FRMD4B: variants seen among roughly 807,000 people sequenced by gnomAD.
The protein encoded by FRMD4B is FERM domain-containing protein 4B.
A neutral mutation model predicts 141.5 loss-of-function variants in FRMD4B; 74 were observed. The ratio of observed to expected loss-of-function variants is 0.52; its 90% CI spans 0.43 to 0.63. FRMD4B has a LOEUF of 0.63. FRMD4B is among the 30% of genes least tolerant of loss of function. FRMD4B has a pLI of 0.00. For missense variants in FRMD4B, 1,366 were observed against 1,253.4 expected, an observed-to-expected ratio of 1.09 and a Z score of -1.36; for synonymous variants, 506 against 467.9, an observed-to-expected ratio of 1.08 and a Z score of -1.05.
intron 11 of FRMD4B, among the ~76,000 whole-genome samples, chr3:69,204,921 G>A (rs922385457): frequency 6.6e-6 from 1 of 152,060 alleles, no homozygotes; most frequent in African/African-American, 2.4e-5. Context: ...AATTGACCAA[G>A]GTCACACAGC....
chr3:69,259,641 T>C (rs2093513570), intron 5 of FRMD4B, among the ~76,000 whole-genome samples: 1 of 152,230 alleles, frequency 6.6e-6, no homozygotes, highest in Admixed American at 6.5e-5. Context: ...TTCATTACAA[T>C]ATGTGTCAAT....
intron 1 of FRMD4B, among the ~76,000 whole-genome samples, chr3:69,329,990 G>A (rs1702313610): frequency 6.6e-6 from 1 of 152,012 alleles, no homozygotes; most frequent in Non-Finnish European, 1.5e-5. Context: ...CACTGATGAA[G>A]GTCTCCTGAC....
chr3:69,498,249 T>C (rs1559546207), intron 1 of FRMD4B, among the ~76,000 whole-genome samples: 1 of 152,196 alleles, frequency 6.6e-6, no homozygotes, highest in Non-Finnish European at 1.5e-5. Flanking sequence ...CATTTATGAG[T>C]AGCATTTGGA....
Position 69,250,726 on chromosome 3 carries a change from CTTT to C in FRMD4B, c.502-630_502-628del, listed in dbSNP as rs543092302. 7.1e-4 allele frequency among the ~76,000 whole-genome samples: 95 copies of C among 134,362 alleles called. 1 individual carries two copies. Among genetic ancestry groups the C allele is most frequent in the African/African-American group, 2.3e-3 (86 of 36,674 alleles). The allele number at this position is 134,362 out of a possible 152,430, so 88.1% of individuals were successfully genotyped here. ...GAGGAACTCTAATTTATCAGTTTTC[CTTT>C]TTTTTTTTTTTTTTTATCATTCAAA... is the stretch of plus-strand genomic sequence containing the variant. On this transcript the variant is annotated intron_variant, in intron 5 of 22. Transcript: ENST00000398540.
At chr3:69,438,200 C>A (rs981118972) in intron 1 of FRMD4B, among the ~76,000 whole-genome samples, 55 of 151,528 alleles carry the variant, frequency 3.6e-4, no homozygotes, top group African/African-American at 1.2e-3. Context: ...AACCTCTTGG[C>A]TCATGTGATC....
intron 2 of FRMD4B, among the ~76,000 whole-genome samples, chr3:69,421,402 G>A (rs1332299217): frequency 6.6e-6 from 1 of 152,238 alleles, no homozygotes; most frequent in Non-Finnish European, 1.5e-5. Flanking sequence ...TGAAAATGTA[G>A]CAGGCTGGGT....
intron 5 of FRMD4B, among the ~76,000 whole-genome samples, chr3:69,267,632 T>C (rs1213334825): frequency 9.4e-5 from 1 of 10,608 alleles, no homozygotes; most frequent in African/African-American, 3.3e-4. Flanking sequence ...TATATATATA[T>C]ATATAGAGAG....
rs1024001054 is a variant in FRMD4B at position 69,462,930 on chromosome 3, C to T, written c.-128-30169G>A. Among the ~76,000 whole-genome samples the T allele has an allele frequency of 3.3e-5, 5 of 152,232 alleles. 1 individual carries two copies. Among genetic ancestry groups the T allele is most frequent in the Admixed American group, 2.6e-4 (4 of 15,292 alleles). On this transcript the variant is annotated intron_variant, in intron 1 of 5. Coordinates refer to the FRMD4B transcript ENST00000459638. ...TGTAGTCAGCTTGTCACAAAGCCAG[C>T]TTTCTCATCTATGATGCACTTCCTT...
chr3:69,192,324 T>C (rs1277254261), intron 17 of FRMD4B, among the ~76,000 whole-genome samples: 1 of 152,092 alleles, frequency 6.6e-6, no homozygotes, highest in African/African-American at 2.4e-5. Context: ...TGCAGTGAGC[T>C]TTGATGGTAC....
intron 1 of FRMD4B, among the ~76,000 whole-genome samples, chr3:69,500,102 G>C (rs1706466834): frequency 1.3e-5 from 2 of 152,210 alleles, no homozygotes; most frequent in Non-Finnish European, 2.9e-5. Context: ...TCTACAGGCA[G>C]AGTAGGCCAA....
intron 1 of FRMD4B, among the ~76,000 whole-genome samples, chr3:69,494,517 C>T (rs572156378): frequency 5.7e-4 from 87 of 152,304 alleles, no homozygotes; most frequent in Non-Finnish European, 8.7e-4. Context: ...GATAATAGAA[C>T]TACAATCATG....
intron 1 of FRMD4B, chr3:69,377,148 T>C (rs1703992883): frequency 6.6e-6 from 1 of 152,188 alleles, no homozygotes. Flanking sequence ...AAATTAAAAA[T>C]TAGTTTTTGG....
rs190351565 is a variant in FRMD4B, at chr3:69,517,430, G to C, written c.-129+24776C>G. 5.6e-5 allele frequency among the ~76,000 whole-genome samples: 8 copies of C among 143,592 alleles called. No individual in the cohort carries two copies. In the East Asian group the frequency reaches 1.4e-3, roughly 26 times the overall value. The allele number at this position is 143,592 out of a possible 152,430, so 94.2% of individuals were successfully genotyped here. A position where few individuals can be genotyped will look rare whatever the true frequency, so the allele number is the denominator to read the frequency against. ...ACATCATAAAGATTAAGAAATAATT[G>C]AACAGAGAAAAAAAAATTTTAACTG... On this transcript the variant is annotated intron_variant, in intron 1 of 5. Coordinates refer to the FRMD4B transcript ENST00000459638.
In FRMD4B at chr3:69,169,744, C is replaced by T. The variant is rs1416893749; in HGVS notation, c.*2117G>A. On this transcript the variant is annotated 3_prime_UTR_variant, in exon 23 of 23. Transcript: ENST00000398540. ...AGGCATGCTTGCAAGTGTAACCATACTATTTCAGGAACAGAAAAATGTTAT... is the reference window on the plus strand; with the variant it reads ...AGGCATGCTTGCAAGTGTAACCATATTATTTCAGGAACAGAAAAATGTTAT... Among the ~76,000 whole-genome samples the T allele has an allele frequency of 6.6e-6, 1 of 152,098 alleles. No homozygotes were observed. Among genetic ancestry groups the T allele is most frequent in the Non-Finnish European group, 1.5e-5 (1 of 68,026 alleles).
chr3:69,521,127 G>A (rs1233352663), intron 1 of FRMD4B, among the ~76,000 whole-genome samples: 1 of 152,160 alleles, frequency 6.6e-6, no homozygotes, highest in Non-Finnish European at 1.5e-5. Context: ...CAGGGACAGT[G>A]AGGAGGGACC....
intron 1 of FRMD4B, among the ~76,000 whole-genome samples, chr3:69,372,517 T>C (rs1703854516): frequency 6.6e-6 from 1 of 151,972 alleles, no homozygotes; most frequent in Non-Finnish European, 1.5e-5. Flanking sequence ...ATACAAAAAT[T>C]AGCTGGGCGT....
chr3:69,227,315 G>T (rs549124283), intron 7 of FRMD4B, among the ~76,000 whole-genome samples: 49 of 152,170 alleles, frequency 3.2e-4, no homozygotes, highest in Non-Finnish European at 6.8e-4. Flanking sequence ...TAAAATGTGC[G>T]TTAATAGGGA....
intron 1 of FRMD4B, among the ~76,000 whole-genome samples, chr3:69,346,487 A>T (rs1702947934): frequency 6.6e-6 from 1 of 152,158 alleles, no homozygotes; most frequent in African/African-American, 2.4e-5. Context: ...AGAATGCCAC[A>T]AAGATACTCC....
rs77277603 is a variant in FRMD4B at position 69,502,739 on chromosome 3, G to A, written c.-129+39467C>T. On this transcript the variant is annotated intron_variant, in intron 1 of 5. Transcript: ENST00000459638. ...GCAAAAAAAAAACTACCATCGGAGT[G>A]AACAGGCAACTTACAGAATGGGAGA... Among the ~76,000 whole-genome samples the A allele has an allele frequency of 2.4e-3, 358 of 152,020 alleles. 7 individuals carry two copies. The East Asian group carries it at 0.033, about 14-fold the overall frequency.
Sources: allele counts gnomAD v4.1 joint callset (sites outside exome capture counted in the v4.1 genomes callset), GRCh38; gene constraint gnomAD v4.1.1; transcripts MANE v1.5; gene names NCBI Gene and HGNC (gene_info 2026-07-23, HGNC 2026-07-21).